The following SLC30A6 variants were observed in gnomAD, a reference collection of about 807,000 sequenced individuals.
The protein encoded by SLC30A6 is solute carrier family 30 member 6.
SLC30A6 carries 55 observed loss-of-function variants against 63.0 expected under a neutral mutation model. The observed-to-expected ratio is 0.87, with a 90% CI of 0.70 to 1.09. The LOEUF is 1.09. Ranked by LOEUF, SLC30A6 falls within the 50% of genes least tolerant of loss-of-function variation. The pLI, the probability that SLC30A6 is intolerant of heterozygous loss-of-function variation, is 0.00. For synonymous variants in SLC30A6, 224 were observed against 186.1 expected (o/e 1.20, Z -1.66); for missense variants, 587 against 549.2 (o/e 1.07, Z -0.69).
intron 2 of SLC30A6, among the ~76,000 whole-genome samples, chr2:32,172,220 CTT>C (rs1205552134): frequency 1.3e-5 from 2 of 152,110 alleles, no homozygotes; most frequent in Non-Finnish European, 2.9e-5. Flanking sequence ...TATTTGATGA[CTT>C]TTAAGTAAAG....
intron 5 of SLC30A6, among the ~76,000 whole-genome samples, chr2:32,187,694 T>C (rs1007278622): frequency 2.0e-5 from 3 of 152,140 alleles, no homozygotes; most frequent in African/African-American, 7.2e-5. Flanking sequence ...TAGGAAAAAA[T>C]TCTTGGTTTC....
At chr2:32,187,555 A>G (rs1268217367) in intron 5 of SLC30A6, among the ~76,000 whole-genome samples, 1 of 152,148 alleles carries the variant, frequency 6.6e-6, no homozygotes, top group East Asian at 1.9e-4. Flanking sequence ...TTTGCAATCG[A>G]TCACATAGCT....
At chr2:32,210,340 C>T (rs991336420) in intron 13 of SLC30A6, among the ~76,000 whole-genome samples, 6 of 151,968 alleles carry the variant, frequency 3.9e-5, no homozygotes, top group African/African-American at 7.2e-5. Flanking sequence ...GGTGAAACCC[C>T]ATCTCTGCTA....
chr2:32,171,251 T>C (rs79234407), intron 1 of SLC30A6, 36 bp from the exon 2 acceptor site: 39,810 of 1,552,478 alleles, frequency 0.026, 611 homozygotes, highest in Middle Eastern at 0.039. Context: ...GATGATTAAA[T>C]ATCTAAATGC....
At chr2:32,207,118 T>C (rs554139139) in intron 12 of SLC30A6, among the ~76,000 whole-genome samples, 185 bp downstream of exon 12, 1 of 152,274 alleles carries the variant, frequency 6.6e-6, no homozygotes, top group South Asian at 2.1e-4. Flanking sequence ...ATTGTTCAAT[T>C]TGGAAATCAA....
At chr2:32,220,106 A>C in intron 13 of SLC30A6, 107 bp from the exon 14 acceptor site, 1 of 1,304,632 alleles carries the variant, frequency 7.7e-7, no homozygotes, top group Non-Finnish European at 1.0e-6. Flanking sequence ...TTTCTTTCAA[A>C]GAAAATGCCA....
chr2:32,209,575 CAT>C lies in SLC30A6; in HGVS notation c.885+17_885+18del. 6.3e-7 allele frequency: 1 copy of C among 1,582,048 alleles called. No homozygotes were observed. Among genetic ancestry groups the C allele is most frequent in the Non-Finnish European group, 8.6e-7 (1 of 1,164,772 alleles). On this transcript the variant is annotated intron_variant, in intron 13 of 13. Transcript: ENST00000282587. ...TTTGGCTCATTGGTATGTTCTTTTA[CAT>C]ATGACTTTAGTTATAATTTAAAATA...
At chr2:32,202,687 T>TA (rs1005743760) in intron 10 of SLC30A6, 4 of 659,106 alleles carry the variant, frequency 6.1e-6, no homozygotes, top group East Asian at 3.0e-5. Context: ...GATCAAATGT[T>TA]AGAGTTAGGT....
rs372934885 is a variant in SLC30A6 at position 32,192,964 on chromosome 2, A to G, written c.401+11A>G. ...GCCCGAGATACACACGTGAGATTTT[A>G]TTTTCAATATATAATTTACTATTGA... On this transcript the variant is annotated intron_variant, in intron 7 of 13. Coordinates refer to ENST00000282587, the MANE Select transcript of SLC30A6 (RefSeq NM_017964.5). 2.6e-5 allele frequency: 39 copies of G among 1,484,112 alleles called. No individual in the cohort carries two copies. The African/African-American group carries it at 4.8e-4, about 18-fold the overall frequency. 91.9% of individuals were successfully genotyped at this position (1,484,112 alleles called of 1,614,324 possible). A position where few individuals can be genotyped will look rare whatever the true frequency, so the allele number is the denominator to read the frequency against.
Position 32,187,013 on chromosome 2 carries a change from A to G in SLC30A6, c.284+2675A>G, listed in dbSNP as rs931794199. 5.9e-4 allele frequency: 207 copies of G among 351,988 alleles called. 1 individual carries two copies. Among genetic ancestry groups the G allele is most frequent in the South Asian group, 4.1e-3 (179 of 43,994 alleles). The allele number at this position is 351,988 out of a possible 1,614,324, so 21.8% of individuals were successfully genotyped here. On this transcript the variant is annotated intron_variant, in intron 5 of 13. Coordinates refer to ENST00000282587, the MANE Select transcript of SLC30A6 (RefSeq NM_017964.5). ...GCTGTCTCCAAAAAAAAAAAAAAAA[A>G]AAGAAAGAAAAAGAAAAATGAGTTC...
At chr2:32,208,480 A>G (rs529648534) in intron 12 of SLC30A6, among the ~76,000 whole-genome samples, 150 of 151,572 alleles carry the variant, frequency 9.9e-4, no homozygotes, top group Non-Finnish European at 1.7e-3. Flanking sequence ...GGGTCTTGCT[A>G]TGTTGACCAG....
In SLC30A6 at chr2:32,222,007, A is replaced by G. The variant is rs1183464162; in HGVS notation, c.*1294A>G. On this transcript the variant is annotated 3_prime_UTR_variant, in exon 14 of 14. Transcript: ENST00000282587. ...AGTTGCACAAAGAATTTGAGCATAT[A>G]TAATTTTACCAAAGCATAATGGACC... 1.3e-5 allele frequency: 2 copies of G among 152,240 alleles called. No homozygotes were observed. Among genetic ancestry groups the G allele is most frequent in the Non-Finnish European group, 2.9e-5 (2 of 68,036 alleles). The allele number at this position is 152,240 out of a possible 1,614,324, so 9.4% of individuals were successfully genotyped here. A position where few individuals can be genotyped will look rare whatever the true frequency, so the allele number is the denominator to read the frequency against.
chr2:32,197,219 C>A, intron 8 of SLC30A6, 125 bp from the exon 9 acceptor site: 1 of 755,766 alleles, frequency 1.3e-6, no homozygotes, highest in Non-Finnish European at 2.2e-6. Context: ...TGAGGAGTAG[C>A]ATGTTCTTTT....
chr2:32,179,918 A>G (rs1177250873), intron 4 of SLC30A6, among the ~76,000 whole-genome samples: 1 of 152,202 alleles, frequency 6.6e-6, no homozygotes, highest in African/African-American at 2.4e-5. Flanking sequence ...TTTGAATTTT[A>G]TTTATATAAA....
rs1404513425 is a variant in SLC30A6 at position 32,220,575 on chromosome 2, A to C, written c.1248A>C (p.Gly416=). 1.9e-6 allele frequency: 3 copies of C among 1,614,112 alleles called. No individual in the cohort carries two copies. The African/African-American group carries it at 4.0e-5, about 22-fold the overall frequency. ...CTTATGGTTTTGGTCTCAATCATGG[A>C]CACACACCTTACAGCAGCATGCTTA... ...TRPYGFGLNH[G]HTPYSSMLNQ... is the part of the protein sequence containing the mutation. The change falls in exon 14 of 14, where the codon GGA becomes GGC. Residue 416 remains glycine, a synonymous_variant. Transcript: ENST00000282587.
chr2:32,192,356 TGGCTG>T lies in SLC30A6; in HGVS notation c.306_310del (p.Ala103IlefsTer54), dbSNP rs1339828821. The T allele has an allele frequency of 1.9e-6, 3 of 1,613,984 alleles. No homozygotes were observed. The highest frequency in any genetic ancestry group is 2.7e-5 in the African/African-American group (2 of 74,942). ...TTCAGGTTTGAAAGATTAGAAGTCC[TGGCTG>T]TATTTGCCTCCACAGTCTTGGCACA... is the stretch of plus-strand genomic sequence containing the variant. On this transcript the variant is annotated frameshift_variant, in exon 6 of 14. Transcript: ENST00000282587. LOFTEE classifies it high-confidence loss of function.
chr2:32,172,102 T>C (rs1440827459), intron 2 of SLC30A6, among the ~76,000 whole-genome samples: 1 of 152,234 alleles, frequency 6.6e-6, no homozygotes, highest in Non-Finnish European at 1.5e-5. Flanking sequence ...TTCTAGTTAC[T>C]GTGTTTCATG....
At chr2:32,204,835 A>G (rs1326860690) in intron 11 of SLC30A6, 143 bp downstream of exon 11, 6 of 237,290 alleles carry the variant, frequency 2.5e-5, no homozygotes, top group Admixed American at 6.5e-5. Flanking sequence ...TTTTTTAGAG[A>G]CAGGTCCTTG....
At chr2:32,215,463 G>A in intron 13 of SLC30A6, among the ~76,000 whole-genome samples, 1 of 149,856 alleles carries the variant, frequency 6.7e-6, no homozygotes. Context: ...CCAAAGTGCT[G>A]GGATTACAGG....
Sources: gnomAD v4.1 joint callset for allele counts (sites outside exome capture counted in the v4.1 genomes callset) on GRCh38, gnomAD v4.1.1 for gene constraint, MANE v1.5 for transcripts, NCBI Gene and HGNC (gene_info 2026-07-23, HGNC 2026-07-21) for gene names.